The following AMN variants were observed in gnomAD, a reference collection of about 807,000 sequenced individuals.
The protein encoded by AMN is protein amnionless.
In AMN, 40 loss-of-function variants were observed where a neutral mutation model predicts 49.1. The ratio of observed to expected loss-of-function variants is 0.81; its 90% CI spans 0.63 to 1.06. The LOEUF is 1.06. Ranked by LOEUF, AMN falls within the 50% of genes least tolerant of loss-of-function variation. The probability of loss-of-function intolerance (pLI) is 0.00; values close to 1 mark genes in which losing one functional copy is unlikely to be tolerated. For synonymous variants in AMN, 380 were observed against 313.3 expected (o/e 1.21, Z -2.25); for missense variants, 701 against 662.8 (o/e 1.06, Z -0.63).
At chr14:102,926,375 G>C (rs567689383) in intron 3 of AMN, among the ~76,000 whole-genome samples, 151 of 152,200 alleles carry the variant, frequency 9.9e-4, no homozygotes, top group South Asian at 8.5e-3. Flanking sequence ...GTGTGCCTGG[G>C]TGTTGTGGGT....
chr14:102,923,078 G>A, intron 1 of AMN: 1 of 306,258 alleles, frequency 3.3e-6, no homozygotes, highest in Non-Finnish European at 6.2e-6. Context: ...TGCGGGGCTC[G>A]GCAGACCGCC....
rs1891338722 is a variant in AMN at position 102,930,726 on chromosome 14, C to T, written c.*46C>T. 3 of 1,535,794 alleles carry T rather than the reference C, an allele frequency of 2.0e-6. No homozygotes were observed. Among genetic ancestry groups the T allele is most frequent in the Non-Finnish European group, 2.6e-6 (3 of 1,137,788 alleles). ...CTTGGGGCTCTCCACCCGCTCTGGCCCCAGTCGAACTGGGGGCTAGCCACC... is the reference window on the plus strand; with the variant it reads ...CTTGGGGCTCTCCACCCGCTCTGGCTCCAGTCGAACTGGGGGCTAGCCACC... On this transcript the variant is annotated 3_prime_UTR_variant, in exon 12 of 12. Coordinates refer to ENST00000299155, the MANE Select transcript of AMN (RefSeq NM_030943.4).
In AMN at chr14:102,922,869, ACT is replaced by A; in HGVS notation, c.43+140_43+141del. 2.5e-6 allele frequency: 3 copies of A among 1,223,858 alleles called. No homozygotes were observed. The South Asian group carries it at 4.4e-5, about 18-fold the overall frequency. 75.8% of individuals were successfully genotyped at this position (1,223,858 alleles called of 1,614,324 possible). On this transcript the variant is annotated intron_variant, in intron 1 of 11. Coordinates refer to ENST00000299155, the MANE Select transcript of AMN (RefSeq NM_030943.4). Reference sequence around the variant, plus strand: ...GGCTTTGGAGGGTTGGGGGCGTGAAACTCGGCCCTGCCTCCCTCGTCTGGCGA... The same window carrying A: ...GGCTTTGGAGGGTTGGGGGCGTGAAACGGCCCTGCCTCCCTCGTCTGGCGA...
chr14:102,928,525 G>T lies in AMN; in HGVS notation c.295+12G>T. 1 of 1,599,430 alleles carries T rather than the reference G, an allele frequency of 6.3e-7. No individual in the cohort carries two copies. The highest frequency in any genetic ancestry group is 8.5e-7 in the Non-Finnish European group (1 of 1,176,414). ...GGACTGTGGCGCGGGTGAGGCGGTC[G>T]GGCAGGGGCGGGGCTCTGGAAAGGC... On this transcript the variant is annotated intron_variant, in intron 4 of 11. Coordinates refer to ENST00000299155, the MANE Select transcript of AMN (RefSeq NM_030943.4).
At chr14:102,927,709 A>G (rs1891218612) in intron 3 of AMN, among the ~76,000 whole-genome samples, 1 of 152,166 alleles carries the variant, frequency 6.6e-6, no homozygotes, top group Non-Finnish European at 1.5e-5. Context: ...TCAGCCCCTG[A>G]GGGAGAAGTG....
chr14:102,930,037 C>A lies in AMN; in HGVS notation c.957C>A (p.Gly319=), dbSNP rs1355008376. Residue 319 remains glycine, a synonymous_variant, in exon 9 of 12, where the codon GGC becomes GGA. Transcript: ENST00000299155. ...VVLVENGPET[G]GAGRLARALL... The stretch of plus-strand genomic sequence containing the variant: ...TGGTGGAGAATGGGCCCGAGACAGG[C>A]GGAGCGGGGCGGCTGGCCCGGGCCC... 1.9e-6 allele frequency: 3 copies of A among 1,549,864 alleles called. No homozygotes were observed. The highest frequency in any genetic ancestry group is 2.6e-6 in the Non-Finnish European group (3 of 1,147,762).
Position 102,930,294 on chromosome 14 carries a change from C to T in AMN, c.1136C>T (p.Ala379Val). Residue 379 changes from alanine to valine, a missense_variant, in exon 10 of 12, where the codon GCG (alanine) becomes GTG (valine). Ala to Val is a moderately conservative substitution (Grantham distance 64). Transcript: ENST00000299155. ...CTGGCGCTGCTGGTCCTGCTGGTGGCGCCGCCGCTGCTGCGCCGCGCGGGG... is the reference window on the plus strand; with the variant it reads ...CTGGCGCTGCTGGTCCTGCTGGTGGTGCCGCCGCTGCTGCGCCGCGCGGGG... ...VLLALLVLLV[A>V]PPLLRRAGRL... is the part of the protein sequence containing the mutation. The T allele has an allele frequency of 1.5e-6, 2 of 1,370,910 alleles. No individual in the cohort carries two copies. Among genetic ancestry groups the T allele is most frequent in the Non-Finnish European group, 1.9e-6 (2 of 1,069,094 alleles). The allele number at this position is 1,370,910 out of a possible 1,614,324, so 84.9% of individuals were successfully genotyped here. A position where few individuals can be genotyped will look rare whatever the true frequency, so the allele number is the denominator to read the frequency against.
chr14:102,926,319 G>A (rs907689209), intron 3 of AMN, among the ~76,000 whole-genome samples: 5 of 152,146 alleles, frequency 3.3e-5, no homozygotes, highest in African/African-American at 1.2e-4. Context: ...CCAGCTTCCA[G>A]CATCCTCCGC....
In AMN at chr14:102,929,102, GGGACCCGGC is replaced by G; in HGVS notation, c.514-18_514-10del. The G allele has an allele frequency of 6.3e-7, 1 of 1,597,618 alleles. No homozygotes were observed. Among genetic ancestry groups the G allele is most frequent in the Non-Finnish European group, 8.5e-7 (1 of 1,179,628 alleles). ...TCTCTTCCTCGGGCTGGCTCCGGTG[GGGACCCGGC>G]TGCCCGCAGACGTTCACGCGCGACG... is the stretch of plus-strand genomic sequence containing the variant. On this transcript the variant is annotated splice_polypyrimidine_tract_variant and intron_variant, in intron 5 of 11. Transcript: ENST00000299155.
At chr14:102,925,037 T>G (rs1385291205) in intron 3 of AMN, among the ~76,000 whole-genome samples, 3 of 152,236 alleles carry the variant, frequency 2.0e-5, no homozygotes, top group Admixed American at 6.5e-5. Flanking sequence ...ACTGTCCCAT[T>G]GCATCGGCAG....
At position 102,928,451 on chromosome 14, in the gene AMN, T is replaced by C. The variant is rs1891238264; in HGVS notation, c.233T>C (p.Val78Ala). ...CTCCTGCCGCTGGATGGGGAACTCGTCCTGGCTTCAGGAGCCGGATTCGGC... is the reference window on the plus strand; with the variant it reads ...CTCCTGCCGCTGGATGGGGAACTCGCCCTGGCTTCAGGAGCCGGATTCGGC... ...DMLLPLDGEL[V>A]LASGAGFGVS... The change falls in exon 4 of 12, where the codon GTC (valine) becomes GCC (alanine). Residue 78 changes from valine to alanine, a missense_variant. Physicochemically the swap from Val to Ala is moderately conservative, Grantham distance 64 (BLOSUM62 0). Transcript: ENST00000299155. 1 of 1,608,524 alleles carries C rather than the reference T, an allele frequency of 6.2e-7. No homozygotes were observed. The highest frequency in any genetic ancestry group is 8.5e-7 in the Non-Finnish European group (1 of 1,178,442).
chr14:102,930,503 C>T lies in AMN; in HGVS notation c.1257+10C>T, dbSNP rs386834166. Reference sequence around the variant, plus strand: ...GGCCTCCGAGGAGCTGGTGAGGGGGCTGGAGGGGGGACCGGGGCCTCCTCG... The same window carrying T: ...GGCCTCCGAGGAGCTGGTGAGGGGGTTGGAGGGGGGACCGGGGCCTCCTCG... On this transcript the variant is annotated intron_variant, in intron 11 of 11. Coordinates refer to ENST00000299155, the MANE Select transcript of AMN (RefSeq NM_030943.4). 13 of 1,538,180 alleles carry T rather than the reference C, an allele frequency of 8.5e-6. No homozygotes were observed. In the Middle Eastern group the frequency reaches 1.6e-3, roughly 190 times the overall value.
At chr14:102,927,343 C>A (rs1201523046) in intron 3 of AMN, among the ~76,000 whole-genome samples, 2 of 152,230 alleles carry the variant, frequency 1.3e-5, no homozygotes, top group Non-Finnish European at 2.9e-5. Flanking sequence ...CTCGTCTGTT[C>A]AACTATTATG....
Position 102,923,991 on chromosome 14 carries a change from C to T in AMN, c.207+12C>T, listed in dbSNP as rs757268891. On this transcript the variant is annotated intron_variant, in intron 3 of 11. Transcript: ENST00000299155. ...CCGTCTCAGACATGGTAAGGCCGGG[C>T]TGCTACTGCCACTGGGCTGGGGGTT... The T allele has an allele frequency of 6.2e-7, 1 of 1,613,252 alleles. No individual in the cohort carries two copies. Among genetic ancestry groups the T allele is most frequent in the East Asian group, 2.2e-5 (1 of 44,888 alleles).
chr14:102,930,381 C>A (rs1317881712), intron 10 of AMN, 25 bp from the exon 11 acceptor site: 2 of 1,499,660 alleles, frequency 1.3e-6, no homozygotes, highest in Non-Finnish European at 1.8e-6. Flanking sequence ...GAGGGGCTCA[C>A]GCTGCGTCCC....
rs556482071 is a variant in AMN, at chr14:102,927,368, T to A, written c.208-1058T>A. Among the ~76,000 whole-genome samples the A allele has an allele frequency of 1.2e-4, 18 of 152,370 alleles. No individual in the cohort carries two copies. The South Asian group carries it at 3.5e-3, about 30-fold the overall frequency. On this transcript the variant is annotated intron_variant, in intron 3 of 11. Coordinates refer to ENST00000299155, the MANE Select transcript of AMN (RefSeq NM_030943.4). ...CAACTATTATGTTACGTTTCTATTT[T>A]TCCCCTTCGTTCTTTAAAAAACGGT...
At chr14:102,923,395 C>T (rs1891106557) in intron 1 of AMN, 1 of 415,384 alleles carries the variant, frequency 2.4e-6, no homozygotes, top group East Asian at 5.4e-5. Context: ...TGTCACTGTC[C>T]TTAACAACGC....
At chr14:102,929,877 G>A in intron 8 of AMN, 47 bp from the exon 9 acceptor site, 1 of 1,546,852 alleles carries the variant, frequency 6.5e-7, no homozygotes, top group Non-Finnish European at 8.7e-7. Context: ...CCATAGGCTC[G>A]GGGAGGGCGG....
rs759831593 is a variant in AMN at position 102,930,281 on chromosome 14, G to A, written c.1123G>A (p.Val375Ile). The A allele has an allele frequency of 5.1e-6, 7 of 1,380,356 alleles. No individual in the cohort carries two copies. Among genetic ancestry groups the A allele is most frequent in the African/African-American group, 3.0e-5 (2 of 65,914 alleles). 85.5% of individuals were successfully genotyped at this position (1,380,356 alleles called of 1,614,324 possible). Residue 375 changes from valine (V) to isoleucine (I), a missense_variant, in exon 10 of 12, where the codon GTC becomes ATC. Physicochemically the swap from Val to Ile is conservative, Grantham distance 29. Transcript: ENST00000299155. ...GGCTGCCGTGCTGCTGGCGCTGCTG[G>A]TCCTGCTGGTGGCGCCGCCGCTGCT... The part of the protein sequence containing the change: ...VAAAVLLALL[V>I]LLVAPPLLRR...
Sources: allele counts gnomAD v4.1 joint callset (sites outside exome capture counted in the v4.1 genomes callset), GRCh38; gene constraint gnomAD v4.1.1; transcripts MANE v1.5; gene names NCBI Gene and HGNC (gene_info 2026-07-23, HGNC 2026-07-21).